Variants in EMX1 observed in about 807,000 individuals in gnomAD.
The protein encoded by EMX1 is empty spiracles homeobox 1, also known as homeobox protein EMX1.
Under a neutral mutation model 20.1 loss-of-function variants are expected in EMX1, and 10 were observed. The observed-to-expected ratio is 0.50, with a 90% confidence interval of 0.31 to 0.84. EMX1 has a LOEUF of 0.84. Ranked by LOEUF, EMX1 falls within the 40% of genes least tolerant of loss-of-function variation. The pLI is 0.05. For missense variants in EMX1, 424 were observed against 431.9 expected (o/e 0.98, Z 0.16); for synonymous variants, 250 against 200.4 (o/e 1.25, Z -2.09).
At chr2:72,933,497 G>A in intron 2 of EMX1, 2 of 404,994 alleles carry the variant, frequency 4.9e-6, no homozygotes, top group Non-Finnish European at 9.0e-6. Context: ...CTTTGCTGGG[G>A]CTAGAGGAGC....
Position 72,917,988 on chromosome 2 carries a change from G to A in EMX1, c.136G>A (p.Glu46Lys). The stretch of plus-strand genomic sequence containing the variant: ...CGCGGCCAAGCGCGGCTTTACCATA[G>A]AGTCCTTGGTGGCCAAGGACGGCGG... ...QPAAKRGFTI[E>K]SLVAKDGGTG... The change falls in exon 1 of 3, where the codon GAG becomes AAG. Residue 46 changes from glutamate (E) to lysine (K), a missense_variant. By Grantham distance (56) the Glu-to-Lys change is moderately conservative (BLOSUM62 1). This residue lies in a region of EMX1 where 333 missense variants were observed against 296.6 expected (regional missense o/e 1.12). Coordinates refer to ENST00000258106, the MANE Select transcript of EMX1 (RefSeq NM_004097.3). 6.7e-7 allele frequency: 1 copy of A among 1,482,310 alleles called. No homozygotes were observed. 91.8% of individuals were successfully genotyped at this position (1,482,310 alleles called of 1,614,324 possible). A position where few individuals can be genotyped will look rare whatever the true frequency, so the allele number is the denominator to read the frequency against.
At chr2:72,917,017 A>T, upstream of EMX1, 1 of 695,238 alleles carries the variant, frequency 1.4e-6, no homozygotes, top group Admixed American at 2.0e-5. Flanking sequence ...GCGAAACCTC[A>T]GGAACAAGGT....
At position 72,930,595 on chromosome 2, in the gene EMX1, G is replaced by A. The variant is rs554954524; in HGVS notation, c.706-3192G>A. On this transcript the variant is annotated intron_variant, in intron 2 of 2. Transcript: ENST00000258106. This position sits in a 1 kb window ranked among gnomAD's most constrained non-coding sequence, Gnocchi z 4.4. Reference sequence around the variant, plus strand: ...TGTACCTCGGGGCTTAGAGAGAGGTGAGTAGTGTGTTTGTGTTGGGGATGG... The same window carrying A: ...TGTACCTCGGGGCTTAGAGAGAGGTAAGTAGTGTGTTTGTGTTGGGGATGG... Among the ~76,000 whole-genome samples the A allele has an allele frequency of 6.6e-6, 1 of 152,260 alleles. No individual in the cohort carries two copies. Among genetic ancestry groups the A allele is most frequent in the East Asian group, 1.9e-4 (1 of 5,182 alleles).
In EMX1 at chr2:72,924,439, G is replaced by C. The variant is rs766509735; in HGVS notation, c.651G>C (p.Val217=). 3.5e-5 allele frequency: 56 copies of C among 1,597,444 alleles called. 1 individual carries two copies. In the Middle Eastern group the frequency reaches 7.2e-4, roughly 21 times the overall value. ...LERAFEKNHY[V]VGAERKQLAG... The stretch of plus-strand genomic sequence containing the variant: ...GCGCCTTCGAGAAGAACCACTACGT[G>C]GTGGGCGCCGAGCGGAAGCAGCTGG... The change falls in exon 2 of 3, where the codon GTG becomes GTC. Residue 217 remains valine (V), a synonymous_variant. Coordinates refer to ENST00000258106, the MANE Select transcript of EMX1 (RefSeq NM_004097.3).
intron 2 of EMX1, among the ~76,000 whole-genome samples, chr2:72,929,350 G>T (rs1671249570): frequency 6.6e-6 from 1 of 152,208 alleles, no homozygotes; most frequent in African/African-American, 2.4e-5. Flanking sequence ...TCCAGGCTGG[G>T]CTGAAAGAGG....
In EMX1 at chr2:72,924,437, G is replaced by C; in HGVS notation, c.649G>C (p.Val217Leu). Residue 217 changes from valine (V) to leucine (L), a missense_variant, in exon 2 of 3, where the codon GTG (valine) becomes CTG (leucine). This residue lies in a region of EMX1 where 91 missense variants were observed against 135.2 expected (regional missense o/e 0.67). Coordinates refer to ENST00000258106, the MANE Select transcript of EMX1 (RefSeq NM_004097.3). Reference protein sequence around the residue: ...LERAFEKNHYVVGAERKQLAG... With the variant: ...LERAFEKNHYLVGAERKQLAG... Reference sequence around the variant, plus strand: ...GCGCGCCTTCGAGAAGAACCACTACGTGGTGGGCGCCGAGCGGAAGCAGCT... The same window carrying C: ...GCGCGCCTTCGAGAAGAACCACTACCTGGTGGGCGCCGAGCGGAAGCAGCT... 2 of 1,598,034 alleles carry C rather than the reference G, an allele frequency of 1.3e-6. No homozygotes were observed. The highest frequency in any genetic ancestry group is 1.7e-5 in the Admixed American group (1 of 59,092).
upstream of EMX1, chr2:72,916,833 A>G: frequency 2.8e-6 from 2 of 717,196 alleles, no homozygotes; most frequent in Non-Finnish European, 5.2e-6. Flanking sequence ...GTCCTGGTCC[A>G]AGCCGGTCGC....
upstream of EMX1, among the ~76,000 whole-genome samples, chr2:72,917,275 G>C (rs548003489): frequency 7.5e-6 from 1 of 132,540 alleles, no homozygotes; most frequent in East Asian, 2.3e-4. Flanking sequence ...CGCCTTCTTC[G>C]GCTCCCGCGT....
rs1032849283 is a variant in EMX1, at chr2:72,918,121, C to T, written c.269C>T (p.Ala90Val). ...GCGCTCAACTACCCTCACCCCAGCG[C>T]GGCCGAGGCGGCCTTCGTGAGTGGC... Reference protein sequence around the residue: ...PTALNYPHPSAAEAAFVSGFP... With the variant: ...PTALNYPHPSVAEAAFVSGFP... Residue 90 changes from alanine to valine, a missense_variant, in exon 1 of 3, where the codon GCG becomes GTG. By Grantham distance (64) the Ala-to-Val change is moderately conservative. Transcript: ENST00000258106. 1 of 1,481,084 alleles carries T rather than the reference C, an allele frequency of 6.8e-7. No homozygotes were observed. Among genetic ancestry groups the T allele is most frequent in the Non-Finnish European group, 8.9e-7 (1 of 1,126,978 alleles). 91.7% of individuals were successfully genotyped at this position (1,481,084 alleles called of 1,614,324 possible). A position where few individuals can be genotyped will look rare whatever the true frequency, so the allele number is the denominator to read the frequency against.
intron 1 of EMX1, among the ~76,000 whole-genome samples, chr2:72,921,435 G>A (rs953477269): frequency 1.3e-5 from 2 of 152,178 alleles, no homozygotes; most frequent in Non-Finnish European, 2.9e-5. Flanking sequence ...AAGGGAAACT[G>A]AACCCCTGGT....
chr2:72,919,058 A>G (rs1671052198), intron 1 of EMX1, among the ~76,000 whole-genome samples: 1 of 152,188 alleles, frequency 6.6e-6, no homozygotes, highest in Non-Finnish European at 1.5e-5. Flanking sequence ...GGCTGCTGGA[A>G]TACCGAGGAC....
rs1400970050 is a variant in EMX1 at position 72,918,081 on chromosome 2, C to T, written c.229C>T (p.Pro77Ser). 5 of 1,427,794 alleles carry T rather than the reference C, an allele frequency of 3.5e-6. No homozygotes were observed. The South Asian group carries it at 4.4e-5, about 12-fold the overall frequency. 88.4% of individuals were successfully genotyped at this position (1,427,794 alleles called of 1,614,324 possible). The change falls in exon 1 of 3, where the codon CCG (proline) becomes TCG (serine). Residue 77 changes from proline (P) to serine (S), a missense_variant. By Grantham distance (74) the Pro-to-Ser change is moderately conservative. Coordinates refer to ENST00000258106, the MANE Select transcript of EMX1 (RefSeq NM_004097.3). ...HLLAAAASEE[P>S]LRPTALNYPH... ...CCTGGCGGCGGCCGCCTCCGAGGAACCGCTCCGGCCCACGGCGCTCAACTA... is the reference window on the plus strand; with the variant it reads ...CCTGGCGGCGGCCGCCTCCGAGGAATCGCTCCGGCCCACGGCGCTCAACTA...
chr2:72,917,967 G>T lies in EMX1; in HGVS notation c.115G>T (p.Ala39Ser). 1 of 1,487,608 alleles carries T rather than the reference G, an allele frequency of 6.7e-7. No homozygotes were observed. Among genetic ancestry groups the T allele is most frequent in the Non-Finnish European group, 8.9e-7 (1 of 1,126,504 alleles). 92.2% of individuals were successfully genotyped at this position (1,487,608 alleles called of 1,614,324 possible). A position where few individuals can be genotyped will look rare whatever the true frequency, so the allele number is the denominator to read the frequency against. ...GGCTGCGACCATGTTCCAGCCCGCG[G>T]CCAAGCGCGGCTTTACCATAGAGTC... ...PAAATMFQPA[A>S]KRGFTIESLV... is the part of the protein sequence containing the mutation. The change falls in exon 1 of 3, where the codon GCC becomes TCC. Residue 39 changes from alanine to serine, a missense_variant. By Grantham distance (99) the Ala-to-Ser change is moderately conservative. Around this residue, in one of 2 missense-constraint regions of EMX1, gnomAD observed 333 missense variants for 296.6 expected, o/e 1.12. Transcript: ENST00000258106.
chr2:72,920,941 G>T (rs1195329857), intron 1 of EMX1, among the ~76,000 whole-genome samples: 1 of 152,236 alleles, frequency 6.6e-6, no homozygotes, highest in Non-Finnish European at 1.5e-5. Context: ...CAATGGGCCG[G>T]AGCTTCTAAG....
At chr2:72,919,997 G>A (rs954118856) in intron 1 of EMX1, among the ~76,000 whole-genome samples, 1 of 152,196 alleles carries the variant, frequency 6.6e-6, no homozygotes, top group African/African-American at 2.4e-5. Context: ...CCGCGGCCGA[G>A]GGGCTGGCGG....
intron 1 of EMX1, among the ~76,000 whole-genome samples, 155 bp downstream of exon 1, chr2:72,918,527 C>T (rs763137310): frequency 3.3e-5 from 5 of 152,344 alleles, no homozygotes; most frequent in South Asian, 4.1e-4. Flanking sequence ...AAGAGCTGTG[C>T]GGCATCCACC....
intron 1 of EMX1, among the ~76,000 whole-genome samples, chr2:72,918,797 T>A (rs1671046030): frequency 6.6e-6 from 1 of 152,198 alleles, no homozygotes; most frequent in Admixed American, 6.5e-5. Context: ...GACCTCAGCC[T>A]TCGCTGGCGC....
At chr2:72,917,015 T>C (rs1559055976), upstream of EMX1, 2 of 696,074 alleles carry the variant, frequency 2.9e-6, no homozygotes, top group Non-Finnish European at 5.4e-6. Flanking sequence ...ACGCGAAACC[T>C]CAGGAACAAG....
intron 1 of EMX1, 53 bp from the exon 2 acceptor site, chr2:72,924,255 GC>G (rs1553501560): frequency 6.5e-7 from 1 of 1,538,366 alleles, no homozygotes; most frequent in Non-Finnish European, 8.7e-7. Context: ...GGCTCACGGC[GC>G]CCCTTCTCTC....
Sources: gnomAD v4.1 joint callset for allele counts (sites outside exome capture counted in the v4.1 genomes callset) on GRCh38, gnomAD v4.1.1 for gene constraint, gnomAD v4.1.1 regional missense constraint, Gnocchi (gnomAD v3.1) non-coding constraint, MANE v1.5 for transcripts, NCBI Gene and HGNC (gene_info 2026-07-23, HGNC 2026-07-21) for gene names.